Variants in CDH12 observed in about 807,000 individuals in gnomAD.
The protein encoded by CDH12 is cadherin-12.
Under a neutral mutation model 74.1 loss-of-function variants are expected in CDH12, and 41 were observed. The ratio of observed to expected loss-of-function variants is 0.55; its 90% CI spans 0.43 to 0.72. The LOEUF (loss-of-function observed/expected upper bound fraction) is 0.72. Among genes scored for constraint, CDH12 ranks in the 30% least tolerant of loss-of-function variants. CDH12 has a pLI of 0.00. For missense variants in CDH12, 945 were observed against 977.2 expected, an observed-to-expected ratio of 0.97 and a Z score of 0.44; for synonymous variants, 399 against 355.0, an observed-to-expected ratio of 1.12 and a Z score of -1.39.
At chr5:22,708,985 G>T (rs935063217) in intron 1 of CDH12, among the ~76,000 whole-genome samples, 1 of 152,048 alleles carries the variant, frequency 6.6e-6, no homozygotes, top group African/African-American at 2.4e-5. Flanking sequence ...GAGCACAGGG[G>T]GCAGGTCTTT....
At chr5:22,674,190 C>A (rs1479881501) in intron 1 of CDH12, among the ~76,000 whole-genome samples, 1 of 152,148 alleles carries the variant, frequency 6.6e-6, no homozygotes, top group Non-Finnish European at 1.5e-5. Flanking sequence ...GCTATGCCTC[C>A]ACCCAAATCT....
intron 4 of CDH12, among the ~76,000 whole-genome samples, chr5:22,210,569 G>GT (rs1407026931): frequency 6.6e-6 from 1 of 151,804 alleles, no homozygotes; most frequent in African/African-American, 2.4e-5. Context: ...GGGATTTGTT[G>GT]TTTTTTGAAT....
chr5:22,395,605 T>A (rs1742421996), intron 3 of CDH12, among the ~76,000 whole-genome samples: 1 of 152,070 alleles, frequency 6.6e-6, no homozygotes, highest in South Asian at 2.1e-4. Flanking sequence ...GGGAATTAAT[T>A]TTTTTCTTTT....
At chr5:22,301,813 T>C (rs547650606) in intron 3 of CDH12, among the ~76,000 whole-genome samples, 220 of 151,804 alleles carry the variant, frequency 1.4e-3, no homozygotes, top group African/African-American at 4.7e-3. Context: ...TTTATTTATT[T>C]ATTCATTCAT....
intron 9 of CDH12, among the ~76,000 whole-genome samples, chr5:21,803,919 A>G (rs1305181478): frequency 2.0e-5 from 3 of 152,176 alleles, no homozygotes; most frequent in Non-Finnish European, 4.4e-5. Context: ...ACACTTTTAA[A>G]TCTTCGAAAA....
At chr5:22,584,314 G>A (rs1740260312) in intron 1 of CDH12, among the ~76,000 whole-genome samples, 1 of 152,066 alleles carries the variant, frequency 6.6e-6, no homozygotes, top group African/African-American at 2.4e-5. Context: ...TGATCAGGCT[G>A]GCCTCAAACT....
In CDH12 at chr5:22,847,430, GC is replaced by G. The variant is rs1737357893; in HGVS notation, c.-523+5627del. ...ACTTCATTTGGGTATATTGTTATCT[GC>G]TGTTACTTCAATCATTCCTACATTC... is the stretch of plus-strand genomic sequence containing the variant. On this transcript the variant is annotated intron_variant, in intron 1 of 14. Transcript: ENST00000382254. Among the ~76,000 whole-genome samples, 13 of 152,266 alleles carry G rather than the reference GC, an allele frequency of 8.5e-5. No individual in the cohort carries two copies. The South Asian group carries it at 2.7e-3, about 32-fold the overall frequency.
rs183964848 is a variant in CDH12, at chr5:21,831,836, T to A, written c.814+10325A>T. ...TTTGCCTGTTTAGGAACTTACAGGT[T>A]TTATTCTGTCATAAGTAAAGTCTCA... is the stretch of plus-strand genomic sequence containing the variant. On this transcript the variant is annotated intron_variant, in intron 8 of 14. Transcript: ENST00000382254. 1.4e-4 allele frequency among the ~76,000 whole-genome samples: 21 copies of A among 152,242 alleles called. No individual in the cohort carries two copies. In the East Asian group the frequency reaches 3.1e-3, roughly 22 times the overall value.
At chr5:22,153,880 A>ATT (rs1242034320) in intron 4 of CDH12, among the ~76,000 whole-genome samples, 3 of 53,632 alleles carry the variant, frequency 5.6e-5, no homozygotes, top group Non-Finnish European at 1.2e-4. Context: ...ATGTATATAT[A>ATT]TATATATAAA....
At chr5:21,900,667 C>T (rs1753344159) in intron 6 of CDH12, among the ~76,000 whole-genome samples, 1 of 152,130 alleles carries the variant, frequency 6.6e-6, no homozygotes, top group African/African-American at 2.4e-5. Flanking sequence ...GGACTTTGAA[C>T]AGAAAACACA....
At chr5:22,576,723 C>T (rs144936515) in intron 1 of CDH12, among the ~76,000 whole-genome samples, 413 of 149,128 alleles carry the variant, frequency 2.8e-3, no homozygotes, top group African/African-American at 9.1e-3. Context: ...ATGGTCCTTG[C>T]GTCTTAGGGA....
At chr5:22,483,468 G>T (rs1746460370) in intron 2 of CDH12, among the ~76,000 whole-genome samples, 1 of 151,442 alleles carries the variant, frequency 6.6e-6, no homozygotes, top group African/African-American at 2.4e-5. Flanking sequence ...AATGCAAATC[G>T]AAGAAAAGTA....
chr5:21,792,770 C>G (rs1047222288), intron 10 of CDH12, among the ~76,000 whole-genome samples: 8 of 151,502 alleles, frequency 5.3e-5, no homozygotes, highest in Non-Finnish European at 1.0e-4. Flanking sequence ...TTCTTCTGCC[C>G]CCAAAGCTTT....
chr5:21,953,798 A>G (rs1368067601), intron 6 of CDH12, among the ~76,000 whole-genome samples: 1 of 152,004 alleles, frequency 6.6e-6, no homozygotes, highest in Non-Finnish European at 1.5e-5. Flanking sequence ...TAACTTTTTT[A>G]TTGTTTGGAA....
At chr5:22,767,875 A>G (rs1746603086) in intron 1 of CDH12, among the ~76,000 whole-genome samples, 1 of 152,018 alleles carries the variant, frequency 6.6e-6, no homozygotes, top group Non-Finnish European at 1.5e-5. Context: ...TCATTTTTAA[A>G]GGCAGCATTT....
Position 21,950,834 on chromosome 5 carries a change from G to A in CDH12, c.526+24257C>T, listed in dbSNP as rs1411495516. On this transcript the variant is annotated intron_variant, in intron 6 of 14. Coordinates refer to ENST00000382254, the MANE Select transcript of CDH12 (RefSeq NM_004061.5). ...AGAGTCTCACTCTGTCACCCAGGCT[G>A]GAGTGCAGTGGAGCAATCTCAACCT... Among the ~76,000 whole-genome samples, 4 of 150,080 alleles carry A rather than the reference G, an allele frequency of 2.7e-5. No homozygotes were observed. In the East Asian group the frequency reaches 5.9e-4, roughly 22 times the overall value.
At position 22,653,846 on chromosome 5, in the gene CDH12, T is replaced by C. The variant is rs559711909; in HGVS notation, c.-522-148482A>G. On this transcript the variant is annotated intron_variant, in intron 1 of 14. Coordinates refer to ENST00000382254, the MANE Select transcript of CDH12 (RefSeq NM_004061.5). ...AGCTTTTGGCCCATTTTACACATGG[T>C]ATTTCATTCAGATATTGCTTTTTCT... is the stretch of plus-strand genomic sequence containing the variant. Among the ~76,000 whole-genome samples, 7 of 152,334 alleles carry C rather than the reference T, an allele frequency of 4.6e-5. No individual in the cohort carries two copies. The South Asian group carries it at 1.4e-3, about 32-fold the overall frequency.
At chr5:22,310,087 C>T (rs1047069425) in intron 3 of CDH12, among the ~76,000 whole-genome samples, 2 of 151,896 alleles carry the variant, frequency 1.3e-5, no homozygotes, top group Admixed American at 1.3e-4. Flanking sequence ...CACCATGGCA[C>T]ATGTATACTT....
intron 2 of CDH12, among the ~76,000 whole-genome samples, chr5:22,476,124 G>A (rs1746158875): frequency 6.6e-6 from 1 of 151,890 alleles, no homozygotes; most frequent in Non-Finnish European, 1.5e-5. Context: ...GACATTTTAT[G>A]TATTTATCAC....
Sources: gnomAD v4.1 joint callset for allele counts (sites outside exome capture counted in the v4.1 genomes callset) on GRCh38, gnomAD v4.1.1 for gene constraint, MANE v1.5 for transcripts, NCBI Gene and HGNC (gene_info 2026-07-23, HGNC 2026-07-21) for gene names.